Variants in CEMIP2 observed in about 807,000 individuals in gnomAD.
CEMIP2 encodes the protein cell surface hyaluronidase CEMIP2.
A neutral mutation model predicts 146.9 loss-of-function variants in CEMIP2; 79 were observed. That is an observed-to-expected ratio of 0.54 (90% CI 0.45 to 0.65). The LOEUF is 0.65. Ranked by LOEUF, CEMIP2 falls within the 30% of genes least tolerant of loss-of-function variation. The pLI is 0.00. For missense variants in CEMIP2, 1,596 were observed against 1,696.2 expected (o/e 0.94, Z 1.04); for synonymous variants, 601 against 606.3 (o/e 0.99, Z 0.13).
intron 18 of CEMIP2, 81 bp from the exon 19 acceptor site, chr9:71,700,905 C>G (rs1252771140): frequency 4.0e-6 from 5 of 1,236,016 alleles, no homozygotes. Flanking sequence ...AGATAACTGT[C>G]CTTCATGTGC....
At chr9:71,708,888 G>A (rs1822828248) in intron 17 of CEMIP2, among the ~76,000 whole-genome samples, 1 of 152,126 alleles carries the variant, frequency 6.6e-6, no homozygotes, top group African/African-American at 2.4e-5. Context: ...GACCCCAAAA[G>A]CAAAGGATAA....
chr9:71,748,594 TG>T lies in CEMIP2; in HGVS notation c.331+1448del, dbSNP rs371598466. 1.6e-4 allele frequency among the ~76,000 whole-genome samples: 24 copies of T among 152,260 alleles called. No homozygotes were observed. The East Asian group carries it at 4.4e-3, about 28-fold the overall frequency. Reference sequence around the variant, plus strand: ...TAGCATCCCTTTACTGCAGAAGAGTTGGGAAGTATGAATCAGCACAGTGAAC... The same window carrying T: ...TAGCATCCCTTTACTGCAGAAGAGTTGGAAGTATGAATCAGCACAGTGAAC... On this transcript the variant is annotated intron_variant, in intron 2 of 23. Transcript: ENST00000377044.
At chr9:71,686,201 C>A in intron 22 of CEMIP2, 2 of 205,312 alleles carry the variant, frequency 9.7e-6, no homozygotes, top group Non-Finnish European at 2.0e-5. Flanking sequence ...GTATTTACAG[C>A]CACCCCACAA....
intron 15 of CEMIP2, 76 bp from the exon 16 acceptor site, chr9:71,712,336 G>A (rs900665278): frequency 6.9e-6 from 10 of 1,446,694 alleles, no homozygotes; most frequent in Middle Eastern, 3.6e-4. Context: ...GTTTTATGAA[G>A]ACAGCTAAAT....
chr9:71,759,456 T>C (rs918771527), intron 1 of CEMIP2, among the ~76,000 whole-genome samples: 2 of 152,104 alleles, frequency 1.3e-5, no homozygotes, highest in Non-Finnish European at 2.9e-5. Flanking sequence ...AGAAAAGACA[T>C]ATTTAATGTG....
Position 71,730,067 on chromosome 9 carries a change from C to A in CEMIP2, c.1960G>T (p.Val654Leu). The change falls in exon 9 of 24, where the codon GTG becomes TTG. Residue 654 changes from valine to leucine, a missense_variant. Physicochemically the swap from Val to Leu is conservative, Grantham distance 32. Transcript: ENST00000377044. ...ACTCACATACAGTCAGTAGCAGGCA[C>A]AGGAATGTAATTTCCAAACACTTTA... ...RDKVFGNYIP[V>L]PATDCMAVST... is the part of the protein sequence containing the mutation. The A allele has an allele frequency of 6.2e-7, 1 of 1,614,186 alleles. No individual in the cohort carries two copies. The highest frequency in any genetic ancestry group is 8.5e-7 in the Non-Finnish European group (1 of 1,180,040).
At chr9:71,711,961 G>A (rs1200920821) in intron 16 of CEMIP2, 122 bp downstream of exon 16, 2 of 1,031,232 alleles carry the variant, frequency 1.9e-6, no homozygotes, top group Non-Finnish European at 2.8e-6. Flanking sequence ...CTGGCTCTGT[G>A]TGTATGTCTC....
chr9:71,709,275 C>G lies in CEMIP2; in HGVS notation c.2969G>C (p.Ser990Thr). 6.2e-7 allele frequency: 1 copy of G among 1,614,226 alleles called. No individual in the cohort carries two copies. Among genetic ancestry groups the G allele is most frequent in the South Asian group, 1.1e-5 (1 of 91,092 alleles). ...TAAGCCTACCTGTGCATAGGTCCCA[C>G]TGCAGATCACTGCATTCCACTTAGA... is the stretch of plus-strand genomic sequence containing the variant. ...NVSKWNAVIC[S>T]GTYAQVYVQT... Residue 990 changes from serine to threonine, a missense_variant, in exon 17 of 24, where the codon AGT becomes ACT. Transcript: ENST00000377044.
chr9:71,713,517 T>C (rs1822967617), intron 15 of CEMIP2, among the ~76,000 whole-genome samples: 1 of 152,190 alleles, frequency 6.6e-6, no homozygotes, highest in African/African-American at 2.4e-5. Flanking sequence ...TATGATCATA[T>C]TAAAGCTGTT....
chr9:71,742,081 T>C (rs1270311044), intron 4 of CEMIP2, among the ~76,000 whole-genome samples: 1 of 151,984 alleles, frequency 6.6e-6, no homozygotes, highest in Non-Finnish European at 1.5e-5. Context: ...AAAAGAAAAA[T>C]GTCAACTTCC....
At chr9:71,685,945 TTAGA>T in intron 22 of CEMIP2, 99 bp from the exon 23 acceptor site, 2 of 839,072 alleles carry the variant, frequency 2.4e-6, no homozygotes, top group South Asian at 3.2e-5. Context: ...AATAGAAATA[TTAGA>T]TAAAAGCAGA....
At chr9:71,692,297 A>AT (rs10683724) in intron 21 of CEMIP2, among the ~76,000 whole-genome samples, 13,636 of 78,858 alleles carry the variant, frequency 0.17, 1,984 homozygotes, top group East Asian at 0.35. Context: ...CCTGCCTGAT[A>AT]TTTTTTTTTT....
chr9:71,764,780 A>ATT (rs1333609464), intron 1 of CEMIP2, among the ~76,000 whole-genome samples: 1 of 151,970 alleles, frequency 6.6e-6, no homozygotes, highest in African/African-American at 2.4e-5. Flanking sequence ...TTGCTAACAG[A>ATT]TTCGCCTAGA....
At position 71,717,828 on chromosome 9, in the gene CEMIP2, T is replaced by A. The variant is rs1295808349; in HGVS notation, c.2399+120A>T. On this transcript the variant is annotated intron_variant, in intron 13 of 23. Coordinates refer to ENST00000377044, the MANE Select transcript of CEMIP2 (RefSeq NM_013390.3). Reference sequence around the variant, plus strand: ...ATACTTCCTCAGAGCTTGTCCTGTCTTAATAATAATAATATGATTCCAAGA... The same window carrying A: ...ATACTTCCTCAGAGCTTGTCCTGTCATAATAATAATAATATGATTCCAAGA... 2.5e-5 allele frequency: 25 copies of A among 989,624 alleles called. No homozygotes were observed. In the East Asian group the frequency reaches 5.4e-4, roughly 21 times the overall value. The allele number at this position is 989,624 out of a possible 1,614,324, so 61.3% of individuals were successfully genotyped here. A position where few individuals can be genotyped will look rare whatever the true frequency, so the allele number is the denominator to read the frequency against.
intron 12 of CEMIP2, among the ~76,000 whole-genome samples, chr9:71,718,730 C>T (rs1823143768): frequency 6.6e-6 from 1 of 151,960 alleles, no homozygotes; most frequent in Admixed American, 6.6e-5. Context: ...GCATCCATCG[C>T]CACACCCACC....
Position 71,745,229 on chromosome 9 carries a change from C to A in CEMIP2, c.823G>T (p.Asp275Tyr). The change falls in exon 4 of 24, where the codon GAC (aspartate) becomes TAC (tyrosine). Residue 275 changes from aspartate to tyrosine, a missense_variant. Physicochemically the swap from Asp to Tyr is radical, Grantham distance 160. Coordinates refer to ENST00000377044, the MANE Select transcript of CEMIP2 (RefSeq NM_013390.3). ...RGLNVRVIDQ[D>Y]TAKILESERF... ...TCACTTTCCAAAATTTTGGCCGTGTCTTGGTCAATGACCCTCACATTGAGG... is the reference window on the plus strand; with the variant it reads ...TCACTTTCCAAAATTTTGGCCGTGTATTGGTCAATGACCCTCACATTGAGG... The A allele has an allele frequency of 6.2e-7, 1 of 1,614,094 alleles. No individual in the cohort carries two copies. The highest frequency in any genetic ancestry group is 8.5e-7 in the Non-Finnish European group (1 of 1,180,002).
intron 22 of CEMIP2, among the ~76,000 whole-genome samples, chr9:71,689,671 G>C (rs1822170127): frequency 6.6e-6 from 1 of 152,196 alleles, no homozygotes; most frequent in African/African-American, 2.4e-5. Context: ...AAGGTAAACT[G>C]CCTGGAAAAT....
At chr9:71,685,594 C>T (rs1422191896) in intron 23 of CEMIP2, 149 bp downstream of exon 23, 1 of 845,790 alleles carries the variant, frequency 1.2e-6, no homozygotes, top group Non-Finnish European at 1.8e-6. Flanking sequence ...CACACTTCCT[C>T]TCACATTGTG....
Position 71,745,082 on chromosome 9 carries a change from G to GT in CEMIP2, c.969dup (p.Gln324ThrfsTer14), listed in dbSNP as rs1824038348. On this transcript the variant is annotated frameshift_variant, in exon 4 of 24. Transcript: ENST00000377044. LOFTEE classifies it high-confidence loss of function. ...TCCTGGATCATCTGGATGGTTCCTT[G>GT]TAAGAGACTTTTAGCGGCTGAATCC... is the stretch of plus-strand genomic sequence containing the variant. The GT allele has an allele frequency of 6.2e-7, 1 of 1,614,016 alleles. No individual in the cohort carries two copies. Among genetic ancestry groups the GT allele is most frequent in the African/African-American group, 1.3e-5 (1 of 74,900 alleles).
Sources: allele counts gnomAD v4.1 joint callset (sites outside exome capture counted in the v4.1 genomes callset), GRCh38; gene constraint gnomAD v4.1.1; transcripts MANE v1.5; gene names NCBI Gene and HGNC (gene_info 2026-07-23, HGNC 2026-07-21).